The following AKT3 variants were observed in gnomAD, a reference collection of about 807,000 sequenced individuals.
The protein encoded by AKT3 is AKT serine/threonine kinase 3.
Under a neutral mutation model 65.3 loss-of-function variants are expected in AKT3, and 15 were observed. The ratio of observed to expected loss-of-function variants is 0.23; its 90% CI spans 0.15 to 0.35. The LOEUF (loss-of-function observed/expected upper bound fraction) is 0.35, where lower values mean the gene tolerates loss of function less well. Ranked by LOEUF, AKT3 falls within the 10% of genes least tolerant of loss-of-function variation. The probability of loss-of-function intolerance (pLI) is 1.00; values close to 1 mark genes in which losing one functional copy is unlikely to be tolerated. For missense variants in AKT3, 243 were observed against 576.5 expected (o/e 0.42, Z 5.92); for synonymous variants, 206 against 183.8 (o/e 1.12, Z -0.98).
intron 2 of AKT3, among the ~76,000 whole-genome samples, chr1:243,737,599 A>G (rs1157418012): frequency 6.6e-6 from 1 of 152,184 alleles, no homozygotes; most frequent in Non-Finnish European, 1.5e-5. Context: ...GAAAGTGAAA[A>G]GGAGAAAAGG....
chr1:243,790,220 C>G (rs940507524), intron 2 of AKT3, among the ~76,000 whole-genome samples: 3 of 152,174 alleles, frequency 2.0e-5, no homozygotes, highest in Admixed American at 6.6e-5. Context: ...TCTTCTTCAC[C>G]AAATAGAAGA....
chr1:243,828,670 C>T (rs1694321009), intron 2 of AKT3, among the ~76,000 whole-genome samples: 1 of 152,072 alleles, frequency 6.6e-6, no homozygotes, highest in African/African-American at 2.4e-5. Flanking sequence ...TGTAAAAATA[C>T]AGTACATTAT....
At chr1:243,518,478 A>G (rs1440893030) in intron 12 of AKT3, among the ~76,000 whole-genome samples, 2 of 152,150 alleles carry the variant, frequency 1.3e-5, no homozygotes, top group African/African-American at 4.8e-5. Context: ...TACAAAATTT[A>G]GTTGGGTGTA....
intron 12 of AKT3, among the ~76,000 whole-genome samples, chr1:243,521,439 T>G (rs949652714): frequency 1.4e-4 from 21 of 152,216 alleles, no homozygotes; most frequent in African/African-American, 5.1e-4. Flanking sequence ...TAGGTGTGCA[T>G]GTACTGGAAA....
At chr1:243,652,958 G>A (rs553789704) in intron 4 of AKT3, among the ~76,000 whole-genome samples, 1 of 151,736 alleles carries the variant, frequency 6.6e-6, no homozygotes, top group African/African-American at 2.4e-5. Context: ...GATTCATAAA[G>A]CAAGTTCTTA....
At chr1:243,664,479 C>T (rs1233625178) in intron 4 of AKT3, among the ~76,000 whole-genome samples, 2 of 151,940 alleles carry the variant, frequency 1.3e-5, no homozygotes, top group African/African-American at 4.8e-5. Flanking sequence ...GCTGGGATTA[C>T]AGGCGTGAGC....
chr1:243,492,071 C>T (rs1372532833), intron 13 of AKT3, among the ~76,000 whole-genome samples: 1 of 152,004 alleles, frequency 6.6e-6, no homozygotes, highest in Non-Finnish European at 1.5e-5. Context: ...CTGTGGCCTC[C>T]AACAGGAAGT....
At chr1:243,648,082 A>C (rs1336014954) in intron 4 of AKT3, among the ~76,000 whole-genome samples, 1 of 151,922 alleles carries the variant, frequency 6.6e-6, no homozygotes, top group Non-Finnish European at 1.5e-5. Flanking sequence ...ACATGGTGAA[A>C]CCTCGTCTCT....
At chr1:243,545,645 G>A in intron 11 of AKT3, 48 bp from the exon 12 acceptor site, 2 of 1,307,172 alleles carry the variant, frequency 1.5e-6, no homozygotes, top group East Asian at 2.3e-5. Context: ...ATTTACATAA[G>A]CTCAAAGCAT....
chr1:243,799,698 C>T (rs562564175), intron 2 of AKT3, among the ~76,000 whole-genome samples: 2 of 152,194 alleles, frequency 1.3e-5, no homozygotes, highest in South Asian at 4.2e-4. Context: ...AAATATATGA[C>T]AAAATTGTCA....
intron 2 of AKT3, among the ~76,000 whole-genome samples, chr1:243,696,727 A>G (rs1179994870): frequency 6.6e-6 from 1 of 152,016 alleles, no homozygotes; most frequent in Non-Finnish European, 1.5e-5. Flanking sequence ...TACTGCCATC[A>G]CAAGTCTCTC....
At chr1:243,682,478 A>C (rs1222514121) in intron 3 of AKT3, among the ~76,000 whole-genome samples, 1 of 152,210 alleles carries the variant, frequency 6.6e-6, no homozygotes, top group African/African-American at 2.4e-5. Flanking sequence ...ATGAACAGCA[A>C]TGTTACTACA....
rs1370821330 is a variant in AKT3, at chr1:243,658,864, C to CACA, written c.284+5907_284+5908insTGT. ...GCAACACAGAGAAACCTTGTCTCTA[C>CACA]AAAAAAAAAAAAAAAAAAAAATTAA... On this transcript the variant is annotated intron_variant, in intron 4 of 13. Transcript: ENST00000673466. Among the ~76,000 whole-genome samples the CACA allele has an allele frequency of 7.2e-5, 6 of 82,882 alleles. No homozygotes were observed. In the East Asian group the frequency reaches 2.0e-3, roughly 28 times the overall value. The allele number at this position is 82,882 out of a possible 152,430, so 54.4% of individuals were successfully genotyped here.
chr1:243,602,678 C>T (rs1274632881), intron 8 of AKT3, among the ~76,000 whole-genome samples: 1 of 151,984 alleles, frequency 6.6e-6, no homozygotes, highest in Non-Finnish European at 1.5e-5. Flanking sequence ...AACCTGAAAG[C>T]CGTATTGCAA....
At chr1:243,706,318 A>G (rs1685793078) in intron 2 of AKT3, among the ~76,000 whole-genome samples, 1 of 152,176 alleles carries the variant, frequency 6.6e-6, no homozygotes, top group Non-Finnish European at 1.5e-5. Flanking sequence ...TGCCTGATGG[A>G]TATGACAAAT....
At chr1:243,717,452 T>C (rs1192028510) in intron 2 of AKT3, among the ~76,000 whole-genome samples, 5 of 152,210 alleles carry the variant, frequency 3.3e-5, no homozygotes, top group African/African-American at 7.2e-5. Context: ...GTTTATCATT[T>C]TAAAAAATTA....
intron 2 of AKT3, among the ~76,000 whole-genome samples, chr1:243,741,093 A>G (rs181291041): frequency 1.3e-5 from 2 of 152,332 alleles, no homozygotes; most frequent in South Asian, 2.1e-4. Context: ...CATCACATAT[A>G]TAACTGTATG....
chr1:243,795,452 T>TTG (rs1487833396), intron 2 of AKT3, among the ~76,000 whole-genome samples: 2,769 of 130,916 alleles, frequency 0.021, 36 homozygotes, highest in African/African-American at 0.085. Flanking sequence ...TCTCCTTGTT[T>TTG]TTTTTTTTTG....
chr1:243,719,814 G>C (rs945572881), intron 2 of AKT3, among the ~76,000 whole-genome samples: 1 of 152,114 alleles, frequency 6.6e-6, no homozygotes, highest in South Asian at 2.1e-4. Flanking sequence ...CATGTGAGTG[G>C]CCAGAACTCA....
Sources: allele counts gnomAD v4.1 joint callset (sites outside exome capture counted in the v4.1 genomes callset), GRCh38; gene constraint gnomAD v4.1.1; transcripts MANE v1.5; gene names NCBI Gene and HGNC (gene_info 2026-07-23, HGNC 2026-07-21).